Variants in DNAJC3 observed in about 807,000 individuals in gnomAD.
DNAJC3 encodes DnaJ heat shock protein family (Hsp40) member C3, also known as dnaJ homolog subfamily C member 3.
DNAJC3 carries 38 observed loss-of-function variants against 68.6 expected under a neutral mutation model. The ratio of observed to expected loss-of-function variants is 0.55; its 90% CI spans 0.43 to 0.73. DNAJC3 has a LOEUF of 0.73. Ranked by LOEUF, DNAJC3 falls within the 30% of genes least tolerant of loss-of-function variation. The probability of loss-of-function intolerance (pLI) is 0.00; values close to 1 mark genes in which losing one functional copy is unlikely to be tolerated. For synonymous variants in DNAJC3, 203 were observed against 204.0 expected, an observed-to-expected ratio of 1.00 and a Z score of 0.04; for missense variants, 526 against 591.9, an observed-to-expected ratio of 0.89 and a Z score of 1.16.
At chr13:95,705,698 CTG>C (rs1382021071) in intron 1 of DNAJC3, among the ~76,000 whole-genome samples, 1 of 152,010 alleles carries the variant, frequency 6.6e-6, no homozygotes, top group Non-Finnish European at 1.5e-5. Flanking sequence ...GCCACCATGC[CTG>C]GCTAATTATT....
intron 7 of DNAJC3, among the ~76,000 whole-genome samples, chr13:95,763,376 T>C (rs1815897491): frequency 6.6e-6 from 1 of 152,210 alleles, no homozygotes; most frequent in African/African-American, 2.4e-5. Flanking sequence ...AGGAAATTCT[T>C]CTGGTTTGAT....
chr13:95,677,196 C>A lies in DNAJC3; in HGVS notation c.-60C>A. On this transcript the variant is annotated 5_prime_UTR_variant, in exon 1 of 12. Transcript: ENST00000602402. ...CGGGCGGGCGCAGCTGCTGCCGGAG[C>A]GCCGGCGCGTGCTGGTGGGCCACAC... 1.3e-6 allele frequency: 2 copies of A among 1,513,964 alleles called. No homozygotes were observed. The highest frequency in any genetic ancestry group is 1.8e-6 in the Non-Finnish European group (2 of 1,120,486). 93.8% of individuals were successfully genotyped at this position (1,513,964 alleles called of 1,614,324 possible).
intron 9 of DNAJC3, among the ~76,000 whole-genome samples, chr13:95,765,088 T>C (rs576218118): frequency 6.6e-6 from 1 of 152,182 alleles, no homozygotes; most frequent in African/African-American, 2.4e-5. Flanking sequence ...GTCACTACTA[T>C]TTGTGGGACA....
intron 9 of DNAJC3, among the ~76,000 whole-genome samples, chr13:95,764,493 T>C (rs189399134): frequency 4.7e-5 from 7 of 149,548 alleles, no homozygotes; most frequent in African/African-American, 1.5e-4. Context: ...TTTAGTAACA[T>C]AGGACAGCTG....
intron 4 of DNAJC3, among the ~76,000 whole-genome samples, chr13:95,739,706 C>A (rs1882058762): frequency 1.3e-5 from 2 of 151,948 alleles, no homozygotes; most frequent in South Asian, 4.1e-4. Context: ...TCTAGTTATA[C>A]ATTCTTCTAA....
At chr13:95,742,512 C>A (rs118143105) in intron 4 of DNAJC3, 19,858 of 421,746 alleles carry the variant, frequency 0.047, 612 homozygotes, top group Non-Finnish European at 0.066. Flanking sequence ...TTGGAGGAGT[C>A]CACAGTGGCA....
intron 1 of DNAJC3, chr13:95,694,476 A>G (rs1444118824): frequency 6.6e-6 from 1 of 152,602 alleles, no homozygotes. Context: ...AATACTTAAT[A>G]AGAATAAAGC....
intron 5 of DNAJC3, among the ~76,000 whole-genome samples, chr13:95,758,601 G>C (rs936547878): frequency 1.4e-5 from 2 of 144,912 alleles, no homozygotes; most frequent in African/African-American, 5.3e-5. Context: ...CTGGGCCACA[G>C]AGTGAGACTC....
At chr13:95,687,304 T>C (rs936500364) in intron 1 of DNAJC3, among the ~76,000 whole-genome samples, 4 of 152,126 alleles carry the variant, frequency 2.6e-5, no homozygotes, top group African/African-American at 9.7e-5. Flanking sequence ...GGTAAAAAAA[T>C]CATATTTGTG....
intron 1 of DNAJC3, among the ~76,000 whole-genome samples, chr13:95,689,702 C>T (rs1394990543): frequency 6.6e-6 from 1 of 151,682 alleles, no homozygotes; most frequent in Non-Finnish European, 1.5e-5. Context: ...TGTTCATTTG[C>T]GATCTTTCTA....
intron 1 of DNAJC3, among the ~76,000 whole-genome samples, chr13:95,696,202 C>T (rs1220014771): frequency 6.6e-6 from 1 of 152,210 alleles, no homozygotes; most frequent in Admixed American, 6.5e-5. Context: ...CATTCACTGA[C>T]GTAGTGTATT....
intron 1 of DNAJC3, among the ~76,000 whole-genome samples, chr13:95,696,643 T>C (rs887797451): frequency 1.3e-5 from 2 of 152,270 alleles, no homozygotes; most frequent in African/African-American, 2.4e-5. Context: ...CAGCTTGCTT[T>C]TTTTCCCAGT....
At chr13:95,708,111 C>G (rs1255769333) in intron 1 of DNAJC3, among the ~76,000 whole-genome samples, 5 of 152,108 alleles carry the variant, frequency 3.3e-5, no homozygotes, top group Non-Finnish European at 5.9e-5. Flanking sequence ...GGAAGTCCAC[C>G]CCATGACAGA....
chr13:95,790,785 ACCC>A, intron 11 of DNAJC3, 85 bp from the exon 12 acceptor site: 1 of 1,033,878 alleles, frequency 9.7e-7, no homozygotes, highest in East Asian at 2.9e-5. Flanking sequence ...CCTCAAGCCC[ACCC>A]ACCCTCCTCT....
intron 1 of DNAJC3, among the ~76,000 whole-genome samples, chr13:95,690,242 C>T (rs1880192484): frequency 6.6e-6 from 1 of 152,188 alleles, no homozygotes; most frequent in African/African-American, 2.4e-5. Context: ...CTTGCACCGC[C>T]CCTAATCCAT....
intron 3 of DNAJC3, among the ~76,000 whole-genome samples, chr13:95,724,259 T>C (rs1296465560): frequency 6.6e-6 from 1 of 152,194 alleles, no homozygotes; most frequent in African/African-American, 2.4e-5. Context: ...TTGCTTTTTA[T>C]TGTATTGATG....
At chr13:95,688,061 T>C (rs1162715313) in intron 1 of DNAJC3, among the ~76,000 whole-genome samples, 3 of 152,214 alleles carry the variant, frequency 2.0e-5, no homozygotes, top group South Asian at 2.1e-4. Context: ...GATTTTGTTA[T>C]TGATTTGGCT....
chr13:95,711,936 TAACTAC>T (rs1211350806), intron 2 of DNAJC3, among the ~76,000 whole-genome samples: 1 of 152,130 alleles, frequency 6.6e-6, no homozygotes, highest in African/African-American at 2.4e-5. Context: ...CTCATGAACA[TAACTAC>T]AAAAATTCTG....
chr13:95,679,332 C>T (rs1879855960), intron 1 of DNAJC3, among the ~76,000 whole-genome samples: 1 of 151,232 alleles, frequency 6.6e-6, no homozygotes, highest in African/African-American at 2.4e-5. Flanking sequence ...CTGTACCCCA[C>T]TTACAGAGTT....
Sources: gnomAD v4.1 joint callset for allele counts (sites outside exome capture counted in the v4.1 genomes callset) on GRCh38, gnomAD v4.1.1 for gene constraint, MANE v1.5 for transcripts, NCBI Gene and HGNC (gene_info 2026-07-23, HGNC 2026-07-21) for gene names.